ZCWPW1: variants seen among roughly 807,000 people sequenced by gnomAD.
ZCWPW1 encodes the protein zinc finger CW-type and PWWP domain containing 1.
In ZCWPW1, 56 loss-of-function variants were observed where a neutral mutation model predicts 81.3. The ratio of observed to expected loss-of-function variants is 0.69; its 90% CI spans 0.56 to 0.86. ZCWPW1 has a LOEUF of 0.86. ZCWPW1 is among the 40% of genes least tolerant of loss of function. ZCWPW1 has a pLI of 0.00. For synonymous variants in ZCWPW1, 250 were observed against 273.7 expected (o/e 0.91, Z 0.86); for missense variants, 650 against 769.8 (o/e 0.84, Z 1.84).
In ZCWPW1 at chr7:100,404,962, C is replaced by T. The variant is rs763053397; in HGVS notation, c.1254+51G>A. ...TTTGTCTGGACTGAGAAAGAATCCC[C>T]CTTGTCCAAGAGTAGGGAAAGGAAT... On this transcript the variant is annotated intron_variant, in intron 13 of 17. Coordinates refer to ENST00000684423, the MANE Select transcript of ZCWPW1 (RefSeq NM_001386010.1). The T allele has an allele frequency of 3.2e-6, 5 of 1,565,158 alleles. No homozygotes were observed. The South Asian group carries it at 4.5e-5, about 14-fold the overall frequency.
intron 10 of ZCWPW1, 62 bp from the exon 11 acceptor site, chr7:100,407,365 C>A: frequency 1.4e-6 from 2 of 1,417,290 alleles, no homozygotes; most frequent in East Asian, 2.3e-5. Flanking sequence ...AGAACACAAC[C>A]TCATCAATGT....
rs1454713441 is a variant in ZCWPW1, at chr7:100,419,951, C to A, written c.29-68G>T. ...CTAACAGAGATTGCCAAACATTACCCTTTGACTAGCCATAACAGAATGATA... is the reference window on the plus strand; with the variant it reads ...CTAACAGAGATTGCCAAACATTACCATTTGACTAGCCATAACAGAATGATA... On this transcript the variant is annotated intron_variant, in intron 3 of 17. Coordinates refer to ENST00000684423, the MANE Select transcript of ZCWPW1 (RefSeq NM_001386010.1). 19 of 1,271,450 alleles carry A rather than the reference C, an allele frequency of 1.5e-5. No homozygotes were observed. In the East Asian group the frequency reaches 4.4e-4, roughly 30 times the overall value. The allele number at this position is 1,271,450 out of a possible 1,614,324, so 78.8% of individuals were successfully genotyped here.
At chr7:100,402,439 G>T in intron 16 of ZCWPW1, 77 bp downstream of exon 16, 1 of 1,496,460 alleles carries the variant, frequency 6.7e-7, no homozygotes, top group Non-Finnish European at 9.3e-7. Flanking sequence ...GTGAGGTCCA[G>T]CTACCTGCAG....
chr7:100,412,473 C>CT (rs1300319523), intron 8 of ZCWPW1, among the ~76,000 whole-genome samples: 1 of 152,248 alleles, frequency 6.6e-6, no homozygotes, highest in African/African-American at 2.4e-5. Context: ...TCCAACCTTC[C>CT]AGTATCTAAT....
intron 11 of ZCWPW1, 73 bp from the exon 12 acceptor site, chr7:100,406,871 G>C: frequency 7.3e-7 from 1 of 1,360,608 alleles, no homozygotes. Context: ...AGAACAGATC[G>C]GGAGAATGGG....
At chr7:100,407,411 G>A in intron 10 of ZCWPW1, 108 bp from the exon 11 acceptor site, 2 of 1,002,712 alleles carry the variant, frequency 2.0e-6, no homozygotes, top group Non-Finnish European at 1.5e-6. Context: ...TTTTTTTTCT[G>A]AGACAAGGTC....
intron 8 of ZCWPW1, among the ~76,000 whole-genome samples, chr7:100,411,212 T>C (rs1402677880): frequency 2.0e-5 from 3 of 152,216 alleles, no homozygotes; most frequent in East Asian, 1.9e-4. Flanking sequence ...CTCAGAAAAG[T>C]TGACGTGCAT....
chr7:100,415,905 C>T, intron 8 of ZCWPW1, 70 bp downstream of exon 8: 1 of 1,600,940 alleles, frequency 6.2e-7, no homozygotes, highest in South Asian at 1.1e-5. Flanking sequence ...CCTCTAACAT[C>T]CTAACCCTGC....
chr7:100,418,373 A>G (rs1003744427), intron 5 of ZCWPW1, among the ~76,000 whole-genome samples: 2 of 152,210 alleles, frequency 1.3e-5, no homozygotes, highest in African/African-American at 2.4e-5. Context: ...ATTTAGGGCC[A>G]GGCACTGTAG....
intron 5 of ZCWPW1, among the ~76,000 whole-genome samples, chr7:100,418,270 T>TACC (rs1795719972): frequency 1.3e-5 from 2 of 152,362 alleles, no homozygotes; most frequent in Admixed American, 1.3e-4. Flanking sequence ...CAAGGGTATG[T>TACC]ACCCTAAGTT....
chr7:100,412,595 T>A (rs974250007), intron 8 of ZCWPW1, among the ~76,000 whole-genome samples: 10 of 152,308 alleles, frequency 6.6e-5, no homozygotes, highest in Middle Eastern at 6.8e-3. Context: ...TTATTTATTT[T>A]TTTTGAGACG....
chr7:100,408,383 C>T (rs1793493177), intron 10 of ZCWPW1, among the ~76,000 whole-genome samples, 156 bp downstream of exon 10: 2 of 152,204 alleles, frequency 1.3e-5, no homozygotes, highest in African/African-American at 4.8e-5. Context: ...CTTTCAAAGC[C>T]TCCAGGCTTG....
At chr7:100,415,901 A>C in intron 8 of ZCWPW1, 74 bp downstream of exon 8, 1 of 1,587,726 alleles carries the variant, frequency 6.3e-7, no homozygotes. Flanking sequence ...GGTTCCTCTA[A>C]CATCCTAACC....
At chr7:100,427,911 A>G (rs1305365055) in intron 1 of ZCWPW1, among the ~76,000 whole-genome samples, 1 of 147,352 alleles carries the variant, frequency 6.8e-6, no homozygotes, top group Non-Finnish European at 1.5e-5. Flanking sequence ...TCCTCCCACC[A>G]TGAGGGAATC....
chr7:100,426,150 G>C (rs1303851064), intron 1 of ZCWPW1, among the ~76,000 whole-genome samples: 1 of 152,074 alleles, frequency 6.6e-6, no homozygotes, highest in Non-Finnish European at 1.5e-5. Context: ...AAACCCTTTA[G>C]CATTGTCCTC....
At chr7:100,420,429 T>C (rs921505762) in intron 3 of ZCWPW1, among the ~76,000 whole-genome samples, 193 bp downstream of exon 3, 5 of 152,204 alleles carry the variant, frequency 3.3e-5, no homozygotes, top group African/African-American at 1.2e-4. Context: ...TTTCTCTCCC[T>C]GAGTTTATAT....
intron 1 of ZCWPW1, among the ~76,000 whole-genome samples, chr7:100,426,114 C>T (rs1167822342): frequency 1.3e-5 from 2 of 152,210 alleles, no homozygotes; most frequent in Non-Finnish European, 2.9e-5. Flanking sequence ...TTATATTGTT[C>T]CTCAAATCCT....
At chr7:100,415,491 C>T (rs531245069) in intron 8 of ZCWPW1, among the ~76,000 whole-genome samples, 1 of 152,318 alleles carries the variant, frequency 6.6e-6, no homozygotes, top group South Asian at 2.1e-4. Flanking sequence ...CTTATCAACT[C>T]TTTCAGTAGC....
At chr7:100,406,317 A>G (rs1792998765) in intron 12 of ZCWPW1, among the ~76,000 whole-genome samples, 1 of 152,134 alleles carries the variant, frequency 6.6e-6, no homozygotes, top group Admixed American at 6.6e-5. Context: ...GGATGTTGCT[A>G]AACATCCCAC....
Sources: gnomAD v4.1 joint callset for allele counts (sites outside exome capture counted in the v4.1 genomes callset) on GRCh38, gnomAD v4.1.1 for gene constraint, MANE v1.5 for transcripts, NCBI Gene and HGNC (gene_info 2026-07-23, HGNC 2026-07-21) for gene names.